Variants in ADD3 observed in about 807,000 individuals in gnomAD.
ADD3 encodes the protein adducin 3.
ADD3 carries 25 observed loss-of-function variants against 80.2 expected under a neutral mutation model. The observed-to-expected ratio is 0.31, with a 90% CI of 0.23 to 0.44. The LOEUF is 0.44. Ranked by LOEUF, ADD3 falls within the 20% of genes least tolerant of loss-of-function variation. The pLI, the probability that ADD3 is intolerant of heterozygous loss-of-function variation, is 1.00. For synonymous variants in ADD3, 284 were observed against 289.6 expected (o/e 0.98, Z 0.20); for missense variants, 829 against 847.5 (o/e 0.98, Z 0.27).
chr10:110,019,298 T>C (rs2133063618), intron 1 of ADD3, among the ~76,000 whole-genome samples: 1 of 152,320 alleles, frequency 6.6e-6, no homozygotes, highest in Admixed American at 6.5e-5. Flanking sequence ...CCCTTACTAT[T>C]TGAAAAATTC....
chr10:110,131,938 G>C (rs942680910), intron 13 of ADD3, among the ~76,000 whole-genome samples: 1 of 152,138 alleles, frequency 6.6e-6, no homozygotes, highest in Non-Finnish European at 1.5e-5. Flanking sequence ...GAAGCATTCT[G>C]CCTCATTAAT....
At chr10:110,123,986 A>T in intron 9 of ADD3, 31 bp from the exon 10 acceptor site, 1 of 1,604,324 alleles carries the variant, frequency 6.2e-7, no homozygotes, top group East Asian at 2.2e-5. Context: ...TACAGGTTTG[A>T]TGCTTCAAAT....
At position 110,102,044 on chromosome 10, in the gene ADD3, C is replaced by T. The variant is rs190460024; in HGVS notation, c.195+1196C>T. On this transcript the variant is annotated intron_variant, in intron 2 of 14. Coordinates refer to ENST00000356080, the MANE Select transcript of ADD3 (RefSeq NM_016824.5). ...ATTCCACTCTTAAGTAATTAATTCT[C>T]CCATACCAGTGGCCTCGGTGAAAGC... Among the ~76,000 whole-genome samples the T allele has an allele frequency of 3.9e-5, 6 of 152,214 alleles. No individual in the cohort carries two copies. The East Asian group carries it at 1.2e-3, about 29-fold the overall frequency.
chr10:110,053,972 G>T (rs1338580218), intron 1 of ADD3, among the ~76,000 whole-genome samples: 1 of 152,198 alleles, frequency 6.6e-6, no homozygotes, highest in Non-Finnish European at 1.5e-5. Context: ...ACCTGGAAAT[G>T]GGAGATGTGT....
chr10:109,998,206 A>C (rs1851417283), intron 1 of ADD3, among the ~76,000 whole-genome samples: 1 of 152,196 alleles, frequency 6.6e-6, no homozygotes, highest in Non-Finnish European at 1.5e-5. Context: ...GCTCGCTTTT[A>C]TCTGTTATAC....
intron 1 of ADD3, among the ~76,000 whole-genome samples, chr10:110,070,468 A>C (rs1844530673): frequency 6.6e-6 from 1 of 152,206 alleles, no homozygotes; most frequent in Non-Finnish European, 1.5e-5. Flanking sequence ...ATCTAAAATC[A>C]AAGTAGGTTA....
intron 12 of ADD3, among the ~76,000 whole-genome samples, chr10:110,127,996 C>T (rs1020131418): frequency 6.6e-6 from 1 of 150,644 alleles, no homozygotes; most frequent in Non-Finnish European, 1.5e-5. Flanking sequence ...ATTCTGTTCC[C>T]TATTTTATTG....
chr10:110,129,874 A>G (rs560648036), intron 12 of ADD3, among the ~76,000 whole-genome samples: 1 of 152,260 alleles, frequency 6.6e-6, no homozygotes, highest in East Asian at 1.9e-4. Flanking sequence ...GGGAGGGATG[A>G]AAAATAAATA....
chr10:110,080,018 G>T (rs1172522666), intron 1 of ADD3, among the ~76,000 whole-genome samples: 1 of 152,130 alleles, frequency 6.6e-6, no homozygotes, highest in Non-Finnish European at 1.5e-5. Flanking sequence ...ATAGAACCCA[G>T]AACTGGGGTA....
chr10:110,112,982 T>G, intron 3 of ADD3, 67 bp downstream of exon 3: 15 of 1,516,896 alleles, frequency 9.9e-6, no homozygotes, highest in Non-Finnish European at 1.3e-5. Context: ...TATACATCTC[T>G]AGCAGCATAT....
chr10:110,009,893 A>T lies in ADD3; in HGVS notation c.-30+1594A>T, dbSNP rs550325872. ...TTCAATGTATTGCTACATTTTACAT[A>T]TATGATATCAGGAAATGTTTGGTGA... On this transcript the variant is annotated intron_variant, in intron 1 of 14. Transcript: ENST00000356080. Among the ~76,000 whole-genome samples the T allele has an allele frequency of 3.9e-5, 6 of 152,380 alleles. No individual in the cohort carries two copies. The South Asian group carries it at 1.2e-3, about 32-fold the overall frequency.
rs150963248 is a variant in ADD3 at position 110,020,819 on chromosome 10, G to T, written c.-30+12520G>T. On this transcript the variant is annotated intron_variant, in intron 1 of 14. Transcript: ENST00000356080. ...ATAGGATTTTCTTACTGAAATATGG[G>T]GGTATATGTTGAGAGAGAGGAGTCA... is the stretch of plus-strand genomic sequence containing the variant. Among the ~76,000 whole-genome samples the T allele has an allele frequency of 3.8e-4, 58 of 152,288 alleles. No homozygotes were observed. In the East Asian group the frequency reaches 0.011, roughly 28 times the overall value.
At chr10:110,057,147 C>A (rs892414295) in intron 1 of ADD3, among the ~76,000 whole-genome samples, 2 of 152,134 alleles carry the variant, frequency 1.3e-5, no homozygotes, top group Non-Finnish European at 2.9e-5. Context: ...TTCATACCCC[C>A]AATTCTCCCC....
intron 1 of ADD3, among the ~76,000 whole-genome samples, chr10:110,045,796 A>G (rs528086931): frequency 6.6e-6 from 1 of 152,222 alleles, no homozygotes; most frequent in African/African-American, 2.4e-5. Flanking sequence ...ATAAAAAGGC[A>G]GTATTAAATC....
chr10:110,076,090 T>G (rs1466158770), intron 1 of ADD3, among the ~76,000 whole-genome samples: 1 of 152,256 alleles, frequency 6.6e-6, no homozygotes, highest in Non-Finnish European at 1.5e-5. Flanking sequence ...ATTGTTCATT[T>G]TAAATTCTAT....
chr10:110,109,112 A>C (rs1240507690), intron 2 of ADD3, among the ~76,000 whole-genome samples: 2 of 152,220 alleles, frequency 1.3e-5, no homozygotes, highest in Non-Finnish European at 2.9e-5. Flanking sequence ...TCTGGCATTT[A>C]CTAGCTGTAT....
chr10:110,106,772 G>A lies in ADD3; in HGVS notation c.195+5924G>A, dbSNP rs180874284. Among the ~76,000 whole-genome samples, 27 of 152,180 alleles carry A rather than the reference G, an allele frequency of 1.8e-4. 1 individual carries two copies. The East Asian group carries it at 3.7e-3, about 21-fold the overall frequency. On this transcript the variant is annotated intron_variant, in intron 2 of 14. Transcript: ENST00000356080. Reference sequence around the variant, plus strand: ...TTTGAAGAGCTGTTCAAACTATAATGTTCTGGGGGCAAATTAAGTTTTCAA... The same window carrying A: ...TTTGAAGAGCTGTTCAAACTATAATATTCTGGGGGCAAATTAAGTTTTCAA...
At chr10:110,058,133 A>C (rs1457778790) in intron 1 of ADD3, among the ~76,000 whole-genome samples, 1 of 147,162 alleles carries the variant, frequency 6.8e-6, no homozygotes, top group South Asian at 2.1e-4. Flanking sequence ...GGCTTGCCAT[A>C]TGCATGCTAT....
Position 110,133,795 on chromosome 10 carries a change from A to T in ADD3, c.*177A>T, listed in dbSNP as rs1853375356. The stretch of plus-strand genomic sequence containing the variant: ...AACTTTCAGATTCATCTCTCATTTT[A>T]TATGTCCAGAAATGGCTTTGAATTT... On this transcript the variant is annotated 3_prime_UTR_variant, in exon 15 of 15. Transcript: ENST00000356080. The T allele has an allele frequency of 2.0e-6, 1 of 497,810 alleles. No individual in the cohort carries two copies. The highest frequency in any genetic ancestry group is 2.0e-5 in the African/African-American group (1 of 50,452). The allele number at this position is 497,810 out of a possible 1,614,324, so 30.8% of individuals were successfully genotyped here.
Sources: allele counts gnomAD v4.1 joint callset (sites outside exome capture counted in the v4.1 genomes callset), GRCh38; gene constraint gnomAD v4.1.1; transcripts MANE v1.5; gene names NCBI Gene and HGNC (gene_info 2026-07-23, HGNC 2026-07-21).